NUP98: variants seen among roughly 807,000 people sequenced by gnomAD.
The protein encoded by NUP98 is nucleoporin 98 and 96 precursor.
In NUP98, 26 loss-of-function variants were observed where a neutral mutation model predicts 191.9. The observed-to-expected ratio is 0.14, with a 90% CI of 0.10 to 0.19. NUP98 has a LOEUF of 0.19. NUP98 is among the 10% of genes least tolerant of loss of function. The pLI is 1.00. For missense variants in NUP98, 1,941 were observed against 2,178.8 expected (o/e 0.89, Z 2.17); for synonymous variants, 808 against 778.4 (o/e 1.04, Z -0.63).
At chr11:3,769,752 T>C (rs616762) in intron 7 of NUP98, among the ~76,000 whole-genome samples, 41,981 of 150,072 alleles carry the variant, frequency 0.28, 6,366 homozygotes, top group African/African-American at 0.39. Context: ...TGCTAAAAAT[T>C]AGGGCTGGAC....
intron 12 of NUP98, 27 bp from the exon 13 acceptor site, chr11:3,735,351 A>AT: frequency 5.6e-6 from 6 of 1,080,674 alleles, no homozygotes; most frequent in Non-Finnish European, 6.1e-6. Context: ...AAGAAAACAA[A>AT]ATATATATAT....
chr11:3,765,575 G>A lies in NUP98; in HGVS notation c.949-2536C>T, dbSNP rs143672182. ...AGCACTTTGAGAGGCTGAGGCAGTCGGATCATTTGAGGTCAGGTGTTCAAG... is the reference window on the plus strand; with the variant it reads ...AGCACTTTGAGAGGCTGAGGCAGTCAGATCATTTGAGGTCAGGTGTTCAAG... On this transcript the variant is annotated intron_variant, in intron 8 of 32. Transcript: ENST00000324932. Among the ~76,000 whole-genome samples the A allele has an allele frequency of 5.6e-3, 858 of 152,036 alleles. 3 individuals carry two copies. The highest frequency in any genetic ancestry group is 0.016 in the African/African-American group (668 of 41,454).
intron 26 of NUP98, among the ~76,000 whole-genome samples, chr11:3,694,951 A>G (rs1449805891): frequency 6.6e-6 from 1 of 152,198 alleles, no homozygotes; most frequent in Non-Finnish European, 1.5e-5. Context: ...TGTATAATTT[A>G]TTTCATTTGT....
At chr11:3,797,270 G>T in intron 1 of NUP98, 130 bp downstream of exon 1, 1 of 397,310 alleles carries the variant, frequency 2.5e-6, no homozygotes, top group Non-Finnish European at 4.4e-6. Flanking sequence ...CCTCTCTCAG[G>T]CCAGAAGGTG....
chr11:3,748,960 AC>A (rs202146378), intron 11 of NUP98, among the ~76,000 whole-genome samples: 8,743 of 151,568 alleles, frequency 0.058, 374 homozygotes, highest in Non-Finnish European at 0.092. Context: ...AAAAAAAAAA[AC>A]AATTATATAA....
At position 3,690,923 on chromosome 11, in the gene NUP98, G is replaced by A. The variant is rs2078292591; in HGVS notation, c.4454+424C>T. Among the ~76,000 whole-genome samples, 7 of 152,056 alleles carry A rather than the reference G, an allele frequency of 4.6e-5. No homozygotes were observed. In the South Asian group the frequency reaches 1.2e-3, roughly 27 times the overall value. On this transcript the variant is annotated intron_variant, in intron 28 of 32. Coordinates refer to ENST00000324932, the MANE Select transcript of NUP98 (RefSeq NM_016320.5). Reference sequence around the variant, plus strand: ...TTATTATGCAGAATCAAAAAAGCTAGGCACAAGGAACATACAGTATGATCT... The same window carrying A: ...TTATTATGCAGAATCAAAAAAGCTAAGCACAAGGAACATACAGTATGATCT...
intron 8 of NUP98, among the ~76,000 whole-genome samples, chr11:3,764,254 A>G (rs1589912746): frequency 6.6e-6 from 1 of 152,192 alleles, no homozygotes; most frequent in South Asian, 2.1e-4. Flanking sequence ...TTCAAGGTTC[A>G]TCTGTGTTGT....
intron 1 of NUP98, among the ~76,000 whole-genome samples, chr11:3,795,515 T>C (rs555426867): frequency 1.3e-5 from 2 of 152,228 alleles, no homozygotes; most frequent in Admixed American, 6.6e-5. Context: ...GGAACTATCT[T>C]ATCTGGGCCC....
chr11:3,773,327 T>C lies in NUP98; in HGVS notation c.603+305A>G, dbSNP rs568534754. On this transcript the variant is annotated intron_variant, in intron 6 of 32. Transcript: ENST00000324932. ...GCTAAGGACATGAAGCCTGGGAAGC[T>C]GAGACTGCAGTGAGCTGTGATTGTG... is the stretch of plus-strand genomic sequence containing the variant. Among the ~76,000 whole-genome samples the C allele has an allele frequency of 2.6e-5, 4 of 151,590 alleles. No homozygotes were observed. The East Asian group carries it at 7.8e-4, about 29-fold the overall frequency.
intron 12 of NUP98, among the ~76,000 whole-genome samples, chr11:3,738,581 T>C (rs751124143): frequency 6.6e-6 from 1 of 151,922 alleles, no homozygotes; most frequent in South Asian, 2.1e-4. Flanking sequence ...ACTTCAAGAA[T>C]AGCCTGGCCA....
chr11:3,717,942 G>A (rs565346340), intron 18 of NUP98, among the ~76,000 whole-genome samples: 1 of 152,120 alleles, frequency 6.6e-6, no homozygotes. Flanking sequence ...TGGCCATGAT[G>A]TGTAATCCTT....
chr11:3,685,939 A>G lies in NUP98; in HGVS notation c.4676+34T>C. 3.3e-6 allele frequency: 5 copies of G among 1,524,552 alleles called. 1 individual carries two copies. Among genetic ancestry groups the G allele is most frequent in the Non-Finnish European group, 4.5e-6 (5 of 1,099,426 alleles). The allele number at this position is 1,524,552 out of a possible 1,614,324, so 94.4% of individuals were successfully genotyped here. On this transcript the variant is annotated intron_variant, in intron 29 of 32. Coordinates refer to ENST00000324932, the MANE Select transcript of NUP98 (RefSeq NM_016320.5). Reference sequence around the variant, plus strand: ...CTTTGGAATTGCCCTGTAGTGCTAGATGTACCCAGTGGGTTCAACGGCTTC... The same window carrying G: ...CTTTGGAATTGCCCTGTAGTGCTAGGTGTACCCAGTGGGTTCAACGGCTTC...
intron 11 of NUP98, among the ~76,000 whole-genome samples, chr11:3,747,623 T>C (rs1034481716): frequency 1.3e-5 from 2 of 152,214 alleles, no homozygotes; most frequent in Non-Finnish European, 2.9e-5. Flanking sequence ...CATCGAAGCA[T>C]ACAAAAATAT....
intron 14 of NUP98, among the ~76,000 whole-genome samples, chr11:3,725,539 G>T (rs1401918228): frequency 2.0e-5 from 3 of 152,106 alleles, no homozygotes; most frequent in Non-Finnish European, 4.4e-5. Flanking sequence ...ATCACACTAT[G>T]TTTGTATTTC....
rs762852899 is a variant in NUP98, at chr11:3,702,841, C to T, written c.3134G>A (p.Ser1045Asn). Reference protein sequence around the residue: ...KFTSGAFLSPSVSVQECRTPR... With the variant: ...KFTSGAFLSPNVSVQECRTPR... ...AGTACGACATTCTTGCACAGAGACA[C>T]TTGGTGAAAGAAAAGCTCCACTTGT... is the stretch of plus-strand genomic sequence containing the variant. Residue 1045 changes from serine to asparagine, a missense_variant, in exon 23 of 33, where the codon AGT becomes AAT. By Grantham distance (46) the Ser-to-Asn change is conservative. This residue lies in a region of NUP98 where 1,030 missense variants were observed against 1,115.8 expected (regional missense o/e 0.92). Coordinates refer to ENST00000324932, the MANE Select transcript of NUP98 (RefSeq NM_016320.5). The T allele has an allele frequency of 6.2e-7, 1 of 1,613,640 alleles. No homozygotes were observed. The highest frequency in any genetic ancestry group is 1.1e-5 in the South Asian group (1 of 90,972).
intron 1 of NUP98, among the ~76,000 whole-genome samples, chr11:3,788,180 T>C (rs766028885): frequency 3.2e-4 from 49 of 152,342 alleles, no homozygotes; most frequent in African/African-American, 1.1e-3. Context: ...TAATTTTAAA[T>C]AGTCCATAGC....
intron 1 of NUP98, among the ~76,000 whole-genome samples, chr11:3,792,883 C>A (rs1307530246): frequency 1.3e-5 from 2 of 151,960 alleles, no homozygotes; most frequent in Non-Finnish European, 2.9e-5. Context: ...CTTTGGGAGG[C>A]CAAGGCAGGC....
intron 1 of NUP98, among the ~76,000 whole-genome samples, chr11:3,789,006 T>C (rs2082242869): frequency 6.6e-6 from 1 of 152,058 alleles, no homozygotes; most frequent in Admixed American, 6.6e-5. Context: ...AAATCTAAAG[T>C]TAATTCAAAA....
At chr11:3,759,657 AT>A (rs536156107) in intron 10 of NUP98, among the ~76,000 whole-genome samples, 84 of 152,036 alleles carry the variant, frequency 5.5e-4, no homozygotes, top group Middle Eastern at 6.8e-3. Context: ...ACTGGTTTAC[AT>A]TTTTCCCAGT....
Sources: allele counts gnomAD v4.1 joint callset (sites outside exome capture counted in the v4.1 genomes callset), GRCh38; gene constraint gnomAD v4.1.1; regional missense constraint gnomAD v4.1.1; transcripts MANE v1.5; gene names NCBI Gene and HGNC (gene_info 2026-07-23, HGNC 2026-07-21).